The following MYH15 variants were observed in gnomAD, a reference collection of about 807,000 sequenced individuals.
The protein encoded by MYH15 is myosin heavy chain 15, also known as myosin-15.
A neutral mutation model predicts 240.5 loss-of-function variants in MYH15; 227 were observed. That is an observed-to-expected ratio of 0.94 (90% CI 0.85 to 1.05). The LOEUF (loss-of-function observed/expected upper bound fraction) is 1.05, where lower values mean the gene tolerates loss of function less well. Among genes scored for constraint, MYH15 ranks in the 50% least tolerant of loss-of-function variants. MYH15 has a pLI of 0.00. For synonymous variants in MYH15, 785 were observed against 796.7 expected (o/e 0.99, Z 0.25); for missense variants, 2,217 against 2,247.5 (o/e 0.99, Z 0.27).
At position 108,408,395 on chromosome 3, in the gene MYH15, G is replaced by C; in HGVS notation, c.4505C>G (p.Ser1502Cys). 6.2e-7 allele frequency: 1 copy of C among 1,610,238 alleles called. No homozygotes were observed. ...RENKNLQEEI[S>C]NLTNQVREGT... ...TTCTCTAACCTGGTTTGTCAGATTA[G>C]AAATCTCTTCTGGAGACAGAGGTAA... is the stretch of plus-strand genomic sequence containing the variant. Residue 1502 changes from serine to cysteine, a missense_variant, in exon 32 of 41, where the codon TCT becomes TGT. By Grantham distance (112) the Ser-to-Cys change is moderately radical. Coordinates refer to ENST00000693548, the MANE Select transcript of MYH15 (RefSeq NM_014981.3).
chr3:108,484,776 G>A (rs906320218), intron 11 of MYH15, among the ~76,000 whole-genome samples: 7 of 152,084 alleles, frequency 4.6e-5, no homozygotes, highest in African/African-American at 1.4e-4. Context: ...CACGGTGTCC[G>A]GCCATAATTT....
intron 39 of MYH15, 114 bp from the exon 40 acceptor site, chr3:108,383,843 A>G (rs2082363087): frequency 1.2e-6 from 1 of 804,780 alleles, no homozygotes; most frequent in Non-Finnish European, 1.8e-6. Flanking sequence ...TAAACTTCTG[A>G]GTATTGAATG....
chr3:108,463,865 G>GAGGA (rs1460712110), intron 15 of MYH15, among the ~76,000 whole-genome samples: 1 of 151,988 alleles, frequency 6.6e-6, no homozygotes, highest in Admixed American at 6.6e-5. Context: ...GAGCAACAGA[G>GAGGA]AGGAAGGAAG....
In MYH15 at chr3:108,441,227, A is replaced by G. The variant is rs767992111; in HGVS notation, c.2689T>C (p.Cys897Arg). The change falls in exon 23 of 41, where the codon TGC (cysteine) becomes CGC (arginine). Residue 897 changes from cysteine to arginine, a missense_variant. By Grantham distance (180) the Cys-to-Arg change is radical (BLOSUM62 -3). Transcript: ENST00000693548. ...ATCTTGGATTTAATCAGCCACTCGC[A>G]CTGCTCTTCAACATTTGCCAGTGTC... ...QETLANVEEQ[C>R]EWLIKSKIQL... 1.9e-5 allele frequency: 30 copies of G among 1,613,980 alleles called. No individual in the cohort carries two copies. In the South Asian group the frequency reaches 2.9e-4, roughly 15 times the overall value.
Position 108,442,236 on chromosome 3 carries a change from G to T in MYH15, c.2656-976C>A. Among the ~76,000 whole-genome samples, 3 of 152,202 alleles carry T rather than the reference G, an allele frequency of 2.0e-5. No individual in the cohort carries two copies. The South Asian group carries it at 6.2e-4, about 32-fold the overall frequency. On this transcript the variant is annotated intron_variant, in intron 22 of 40. Transcript: ENST00000693548. ...TCTGCTAATTAGATCAAGAGTGGGG[G>T]GCTGGGGGGAGGTAAAAATCCAGGC...
chr3:108,454,725 A>AT (rs946247763), intron 20 of MYH15, among the ~76,000 whole-genome samples: 1 of 152,170 alleles, frequency 6.6e-6, no homozygotes, highest in Admixed American at 6.5e-5. Context: ...CCACAAAAGT[A>AT]TTTTTTCAAG....
At chr3:108,508,179 C>T (rs2083492984) in intron 1 of MYH15, among the ~76,000 whole-genome samples, 1 of 152,168 alleles carries the variant, frequency 6.6e-6, no homozygotes, top group Non-Finnish European at 1.5e-5. Flanking sequence ...GCTTTTTCTC[C>T]TCCAATTCTT....
At chr3:108,398,514 T>TC in intron 35 of MYH15, 123 bp downstream of exon 35, 1 of 923,942 alleles carries the variant, frequency 1.1e-6, no homozygotes, top group East Asian at 2.4e-5. Flanking sequence ...GAACATGCCT[T>TC]GCTTCACAGG....
At position 108,414,388 on chromosome 3, in the gene MYH15, C is replaced by T. The variant is rs768579358; in HGVS notation, c.3989G>A (p.Arg1330His). 82 of 1,614,134 alleles carry T rather than the reference C, an allele frequency of 5.1e-5. No homozygotes were observed. Among genetic ancestry groups the T allele is most frequent in the Middle Eastern group, 1.7e-4 (1 of 6,056 alleles). The change falls in exon 30 of 41, where the codon CGT (arginine) becomes CAT (histidine). Residue 1330 changes from arginine to histidine, a missense_variant. Transcript: ENST00000693548. ...ALAHALQKAQ[R>H]DCDLLREQYE... ...CTGCTCTCGTAGAAGGTCACAGTCA[C>T]GCTGAGCCTTCTGCAGGGCATGGGC...
At chr3:108,449,376 C>T (rs2082954072) in intron 21 of MYH15, among the ~76,000 whole-genome samples, 1 of 151,944 alleles carries the variant, frequency 6.6e-6, no homozygotes, top group Non-Finnish European at 1.5e-5. Context: ...ATGGTATTAG[C>T]ATAAAAACAA....
chr3:108,394,334 T>C (rs946347055), intron 35 of MYH15, among the ~76,000 whole-genome samples, 178 bp from the exon 36 acceptor site: 10 of 152,130 alleles, frequency 6.6e-5, no homozygotes, highest in African/African-American at 2.4e-4. Context: ...CAAACTTGAA[T>C]GGAAGGGATT....
chr3:108,428,098 G>A (rs995305075), intron 27 of MYH15, among the ~76,000 whole-genome samples: 8 of 152,142 alleles, frequency 5.3e-5, no homozygotes, highest in African/African-American at 1.4e-4. Flanking sequence ...AGCTGTTTGT[G>A]TACACCATTC....
intron 1 of MYH15, among the ~76,000 whole-genome samples, chr3:108,523,653 C>A (rs2083641670): frequency 6.6e-6 from 1 of 151,892 alleles, no homozygotes. Context: ...CCCTTCTACT[C>A]ACATTATCCT....
the MYH15 span, among the ~76,000 whole-genome samples, chr3:108,543,165 C>T: frequency 6.6e-6 from 1 of 152,150 alleles, no homozygotes; most frequent in East Asian, 1.9e-4. Flanking sequence ...AGGCGTGAGC[C>T]ACCGCACCAG....
chr3:108,492,624 A>C, intron 8 of MYH15, 29 bp from the exon 9 acceptor site: 1 of 1,538,184 alleles, frequency 6.5e-7, no homozygotes, highest in Non-Finnish European at 9.0e-7. Flanking sequence ...ATAAAAATTC[A>C]TACTTAGGCA....
At chr3:108,512,305 ACAT>A (rs933735550), upstream of MYH15, among the ~76,000 whole-genome samples, 28 of 152,196 alleles carry the variant, frequency 1.8e-4, no homozygotes, top group Admixed American at 1.6e-3. Context: ...ATGGTAGGAA[ACAT>A]CATCAACTCT....
chr3:108,425,250 T>G (rs977290943), intron 27 of MYH15, among the ~76,000 whole-genome samples: 4 of 152,192 alleles, frequency 2.6e-5, no homozygotes, highest in African/African-American at 9.6e-5. Context: ...CAATGGGATC[T>G]AAAACTGGCA....
At chr3:108,455,229 T>G (rs944304225) in intron 20 of MYH15, among the ~76,000 whole-genome samples, 2 of 152,214 alleles carry the variant, frequency 1.3e-5, no homozygotes, top group Admixed American at 6.5e-5. Flanking sequence ...CATGCCAATA[T>G]CATCTAAGAT....
chr3:108,424,837 A>C (rs1197943909), intron 27 of MYH15, among the ~76,000 whole-genome samples: 1 of 152,234 alleles, frequency 6.6e-6, no homozygotes, highest in East Asian at 1.9e-4. Flanking sequence ...CAGTAACAGG[A>C]CATGCTCACC....
Sources: gnomAD v4.1 joint callset for allele counts (sites outside exome capture counted in the v4.1 genomes callset) on GRCh38, gnomAD v4.1.1 for gene constraint, MANE v1.5 for transcripts, NCBI Gene and HGNC (gene_info 2026-07-23, HGNC 2026-07-21) for gene names.